Variants in REDIC1 observed in about 807,000 individuals in gnomAD.
The protein encoded by REDIC1 is HEI10 Interacting Protein 1.
chr12:39,838,501 TAAATTAA>T, the REDIC1 span, among the ~76,000 whole-genome samples: 6 of 84,082 alleles, frequency 7.1e-5, no homozygotes, highest in East Asian at 4.1e-4. Context: ...TAAAAAAAAA[TAAATTAA>T]AAAAAAAAAA....
the REDIC1 span, among the ~76,000 whole-genome samples, chr12:39,832,834 T>C: frequency 6.6e-6 from 1 of 152,076 alleles, no homozygotes; most frequent in African/African-American, 2.4e-5. Flanking sequence ...CCTAGCCCTA[T>C]ATGAATGCAA....
the REDIC1 span, among the ~76,000 whole-genome samples, chr12:39,902,626 C>T: frequency 3.3e-5 from 5 of 151,962 alleles, no homozygotes; most frequent in South Asian, 2.1e-4. Context: ...AAAGATGTGT[C>T]TAAAGTAGTT....
the REDIC1 span, among the ~76,000 whole-genome samples, chr12:39,708,431 C>A: frequency 6.6e-6 from 1 of 151,726 alleles, no homozygotes; most frequent in African/African-American, 2.4e-5. Context: ...GAAGACTTAT[C>A]TTCTTTATGT....
At chr12:39,711,349 A>G in the REDIC1 span, among the ~76,000 whole-genome samples, 2 of 147,410 alleles carry the variant, frequency 1.4e-5, no homozygotes, top group Admixed American at 6.8e-5. Flanking sequence ...ATACATCTAT[A>G]TGTATATATA....
At chr12:39,800,487 A>G in the REDIC1 span, among the ~76,000 whole-genome samples, 1 of 133,912 alleles carries the variant, frequency 7.5e-6, no homozygotes, top group Non-Finnish European at 1.6e-5. Flanking sequence ...CAAAAAACAC[A>G]TGAAGAAATG....
At chr12:39,699,870 G>A in the REDIC1 span, among the ~76,000 whole-genome samples, 15 of 152,272 alleles carry the variant, frequency 9.9e-5, no homozygotes, top group Admixed American at 2.6e-4. Context: ...CAACAGATCC[G>A]CAGCTGAGGG....
At chr12:39,666,770 C>G in the REDIC1 span, among the ~76,000 whole-genome samples, 1 of 152,086 alleles carries the variant, frequency 6.6e-6, no homozygotes, top group African/African-American at 2.4e-5. Flanking sequence ...TTCAGAGATT[C>G]AACTTCTTCC....
the REDIC1 span, among the ~76,000 whole-genome samples, chr12:39,769,198 G>C: frequency 6.6e-6 from 1 of 152,046 alleles, no homozygotes; most frequent in East Asian, 1.9e-4. Flanking sequence ...TCTAAGAGTA[G>C]ACATTCCATA....
chr12:39,863,697 T>C, the REDIC1 span, among the ~76,000 whole-genome samples: 1 of 152,088 alleles, frequency 6.6e-6, no homozygotes, highest in Non-Finnish European at 1.5e-5. Flanking sequence ...ACTATGAAAG[T>C]CAGTGAGCCA....
chr12:39,764,612 C>T, the REDIC1 span: 1 of 1,586,390 alleles, frequency 6.3e-7, no homozygotes, highest in Non-Finnish European at 8.5e-7. Flanking sequence ...TGGTCCCATT[C>T]CTGAGAAATA....
At chr12:39,776,617 C>T in the REDIC1 span, among the ~76,000 whole-genome samples, 5 of 152,158 alleles carry the variant, frequency 3.3e-5, no homozygotes, top group East Asian at 1.9e-4. Context: ...AGAAGGGTCA[C>T]GGAGTTGACA....
chr12:39,821,399 G>T, the REDIC1 span, among the ~76,000 whole-genome samples: 1 of 151,648 alleles, frequency 6.6e-6, no homozygotes, highest in African/African-American at 2.4e-5. Flanking sequence ...AACAGAGCAA[G>T]ACTCCGTCTC....
the REDIC1 span, among the ~76,000 whole-genome samples, chr12:39,768,616 A>G: frequency 6.6e-6 from 1 of 152,058 alleles, no homozygotes. Flanking sequence ...AAAGAAGGAA[A>G]CAGCTGGTTG....
At chr12:39,696,581 TAAC>T in the REDIC1 span, among the ~76,000 whole-genome samples, 1 of 45,112 alleles carries the variant, frequency 2.2e-5, no homozygotes, top group African/African-American at 8.4e-5. Context: ...AAAAAAAAAA[TAAC>T]GCACCAAGGA....
chr12:39,813,901 T>C, the REDIC1 span, among the ~76,000 whole-genome samples: 1 of 152,250 alleles, frequency 6.6e-6, no homozygotes, highest in Non-Finnish European at 1.5e-5. Flanking sequence ...ATGTCATTCC[T>C]GGAAACTGTC....
the REDIC1 span, chr12:39,643,700 A>G: frequency 2.9e-6 from 3 of 1,043,506 alleles, no homozygotes; most frequent in East Asian, 2.7e-5. Context: ...ACTTAATAAC[A>G]TGATTGCTTT....
chr12:39,696,498 C>G, the REDIC1 span, among the ~76,000 whole-genome samples: 1 of 132,478 alleles, frequency 7.5e-6, no homozygotes, highest in Non-Finnish European at 1.6e-5. Context: ...AGCCGAGATC[C>G]CGCCACTGCA....
chr12:39,670,606 A>G, the REDIC1 span, among the ~76,000 whole-genome samples: 2 of 152,208 alleles, frequency 1.3e-5, no homozygotes, highest in African/African-American at 4.8e-5. Context: ...GCTAGTCTTG[A>G]GAAGTTTTCA....
chr12:39,739,099 A>G, the REDIC1 span, among the ~76,000 whole-genome samples: 1 of 152,078 alleles, frequency 6.6e-6, no homozygotes, highest in Non-Finnish European at 1.5e-5. Context: ...TTCAATGGTT[A>G]TTATTTCCTT....
Sources: gnomAD v4.1 joint callset for allele counts (sites outside exome capture counted in the v4.1 genomes callset) on GRCh38, gnomAD v4.1.1 for gene constraint, MANE v1.5 for transcripts, NCBI Gene and HGNC (gene_info 2026-07-23, HGNC 2026-07-21) for gene names.